Variants in SCHIP1 observed in about 807,000 individuals in gnomAD.
SCHIP1 encodes the protein schwannomin-interacting protein 1.
A neutral mutation model predicts 29.7 loss-of-function variants in SCHIP1; 8 were observed. The observed-to-expected ratio is 0.27, with a 90% CI of 0.16 to 0.49. SCHIP1 has a LOEUF of 0.49. SCHIP1 is among the 20% of genes least tolerant of loss of function. The pLI, the probability that SCHIP1 is intolerant of heterozygous loss-of-function variation, is 0.99. For missense variants in SCHIP1, 193 were observed against 294.6 expected, an observed-to-expected ratio of 0.66 and a Z score of 2.52; for synonymous variants, 76 against 94.9, an observed-to-expected ratio of 0.80 and a Z score of 1.16.
the SCHIP1 span, among the ~76,000 whole-genome samples, chr3:159,517,673 T>C: frequency 9.2e-5 from 14 of 152,064 alleles, no homozygotes; most frequent in African/African-American, 2.6e-4. Context: ...TCTGTGTGTA[T>C]GTGTGTACAT....
the SCHIP1 span, among the ~76,000 whole-genome samples, chr3:159,590,072 C>T: frequency 6.6e-6 from 1 of 152,146 alleles, no homozygotes; most frequent in Non-Finnish European, 1.5e-5. Context: ...TGCTAAATCT[C>T]GCAGCCCTGG....
At chr3:159,552,202 C>A in the SCHIP1 span, among the ~76,000 whole-genome samples, 1 of 151,814 alleles carries the variant, frequency 6.6e-6, no homozygotes, top group East Asian at 1.9e-4. Flanking sequence ...CACGCCACCA[C>A]GTCTAGCTGG....
intron 5 of SCHIP1, among the ~76,000 whole-genome samples, chr3:159,889,624 T>C (rs1717292145): frequency 6.6e-6 from 1 of 152,212 alleles, no homozygotes; most frequent in Non-Finnish European, 1.5e-5. Flanking sequence ...TGTATAATTA[T>C]ACGGTATTAC....
the SCHIP1 span, among the ~76,000 whole-genome samples, chr3:159,762,150 A>G: frequency 6.6e-6 from 1 of 152,200 alleles, no homozygotes; most frequent in Non-Finnish European, 1.5e-5. Flanking sequence ...CTCCACAGCA[A>G]TCTCAAAATC....
intron 2 of SCHIP1, among the ~76,000 whole-genome samples, chr3:159,872,700 G>A (rs1017461987): frequency 6.6e-6 from 1 of 152,128 alleles, no homozygotes; most frequent in African/African-American, 2.4e-5. Flanking sequence ...GGTTAATAAT[G>A]AGACTACATA....
chr3:159,293,539 C>T, the SCHIP1 span, among the ~76,000 whole-genome samples: 1 of 152,160 alleles, frequency 6.6e-6, no homozygotes, highest in Non-Finnish European at 1.5e-5. Flanking sequence ...CAATCTGTGG[C>T]CTGAAGCTAC....
At chr3:159,672,738 C>T in the SCHIP1 span, among the ~76,000 whole-genome samples, 1 of 152,302 alleles carries the variant, frequency 6.6e-6, no homozygotes, top group Non-Finnish European at 1.5e-5. Flanking sequence ...TATGAGAGAC[C>T]TTGCTGGAAT....
the SCHIP1 span, among the ~76,000 whole-genome samples, chr3:159,826,271 G>A: frequency 2.0e-5 from 3 of 152,228 alleles, no homozygotes; most frequent in South Asian, 2.1e-4. Context: ...AGGGGCAGCC[G>A]GGTGAGTGAG....
At chr3:159,392,357 T>A in the SCHIP1 span, among the ~76,000 whole-genome samples, 2 of 152,078 alleles carry the variant, frequency 1.3e-5, no homozygotes, top group Non-Finnish European at 2.9e-5. Context: ...CATGTGCACA[T>A]TGTGCAGGTT....
At chr3:159,397,577 G>C in the SCHIP1 span, among the ~76,000 whole-genome samples, 1 of 152,138 alleles carries the variant, frequency 6.6e-6, no homozygotes, top group Non-Finnish European at 1.5e-5. Flanking sequence ...GGAGTACCCT[G>C]CTGTGTGAGG....
chr3:159,713,225 A>AGAAAGG, the SCHIP1 span, among the ~76,000 whole-genome samples: 2 of 117,276 alleles, frequency 1.7e-5, no homozygotes, highest in African/African-American at 7.3e-5. Context: ...AGAGAGAGAG[A>AGAAAGG]AAGAAAGGAA....
At chr3:159,342,945 T>C in the SCHIP1 span, among the ~76,000 whole-genome samples, 12 of 152,336 alleles carry the variant, frequency 7.9e-5, no homozygotes, top group East Asian at 2.1e-3. Context: ...AATGAAATAG[T>C]TTTTAATCCT....
the SCHIP1 span, among the ~76,000 whole-genome samples, chr3:159,612,224 C>T: frequency 6.6e-6 from 1 of 151,712 alleles, no homozygotes; most frequent in Non-Finnish European, 1.5e-5. Context: ...TTTAAGATAT[C>T]AATGACAAAA....
At chr3:159,502,593 T>C in the SCHIP1 span, among the ~76,000 whole-genome samples, 2 of 152,120 alleles carry the variant, frequency 1.3e-5, no homozygotes, top group Non-Finnish European at 2.9e-5. Context: ...GCTGCACCCA[T>C]TAACTCACCA....
the SCHIP1 span, among the ~76,000 whole-genome samples, chr3:159,330,594 T>A: frequency 2.0e-5 from 3 of 152,186 alleles, no homozygotes; most frequent in African/African-American, 7.2e-5. Flanking sequence ...AAGGTAATCT[T>A]ATATGATTAT....
the SCHIP1 span, among the ~76,000 whole-genome samples, chr3:159,713,206 AAG>A: frequency 8.1e-3 from 1,131 of 140,394 alleles, 18 homozygotes; most frequent in African/African-American, 0.028. Context: ...GAAAGAAAGA[AAG>A]AGAGAGAGAG....
the SCHIP1 span, among the ~76,000 whole-genome samples, chr3:159,800,331 T>C: frequency 6.6e-6 from 1 of 152,172 alleles, no homozygotes; most frequent in Non-Finnish European, 1.5e-5. Context: ...CAGAGATCTC[T>C]GGGGATATCT....
the SCHIP1 span, among the ~76,000 whole-genome samples, chr3:159,796,097 T>C: frequency 6.6e-6 from 1 of 152,200 alleles, no homozygotes; most frequent in Admixed American, 6.5e-5. Flanking sequence ...GCCTTATGTA[T>C]GCTAAGGTGC....
chr3:159,325,880 T>C, the SCHIP1 span, among the ~76,000 whole-genome samples: 15 of 152,242 alleles, frequency 9.9e-5, no homozygotes, highest in South Asian at 8.3e-4. Flanking sequence ...GTAATAGCTT[T>C]ATATGTTGAA....
Sources: allele counts gnomAD v4.1 joint callset (sites outside exome capture counted in the v4.1 genomes callset), GRCh38; gene constraint gnomAD v4.1.1; transcripts MANE v1.5; gene names NCBI Gene and HGNC (gene_info 2026-07-23, HGNC 2026-07-21).